The following DOK6 variants were observed in gnomAD, a reference collection of about 807,000 sequenced individuals.
DOK6 encodes the protein docking protein 6, also known as downstream of tyrosine kinase 6.
DOK6 carries 22 observed loss-of-function variants against 44.0 expected under a neutral mutation model. The observed-to-expected ratio is 0.50, with a 90% confidence interval of 0.36 to 0.71. The LOEUF is 0.71. DOK6 is among the 30% of genes least tolerant of loss of function. DOK6 has a pLI of 0.00. For missense variants in DOK6, 340 were observed against 416.4 expected (o/e 0.82, Z 1.60); for synonymous variants, 166 against 145.5 (o/e 1.14, Z -1.01).
intron 1 of DOK6, among the ~76,000 whole-genome samples, chr18:69,555,127 C>A (rs1846335511): frequency 6.6e-6 from 1 of 152,060 alleles, no homozygotes; most frequent in Non-Finnish European, 1.5e-5. Context: ...TTATTTATTT[C>A]CGCTTATTTT....
intron 3 of DOK6, among the ~76,000 whole-genome samples, chr18:69,651,038 G>A (rs1985210899): frequency 6.6e-6 from 1 of 152,170 alleles, no homozygotes; most frequent in Non-Finnish European, 1.5e-5. Flanking sequence ...TAGACTGTAT[G>A]TGGAGAGATG....
At chr18:69,511,890 C>T (rs911919153) in intron 1 of DOK6, among the ~76,000 whole-genome samples, 6 of 152,090 alleles carry the variant, frequency 3.9e-5, no homozygotes, top group Non-Finnish European at 5.9e-5. Context: ...TAAAATAACA[C>T]ATATCAGACT....
chr18:69,548,503 T>G (rs565960309), intron 1 of DOK6, among the ~76,000 whole-genome samples: 4 of 151,734 alleles, frequency 2.6e-5, no homozygotes, highest in African/African-American at 9.6e-5. Flanking sequence ...TACAATTTTG[T>G]ACAAAGGACG....
chr18:69,646,377 A>C (rs80092951), intron 3 of DOK6, among the ~76,000 whole-genome samples: 2,703 of 152,322 alleles, frequency 0.018, 36 homozygotes, highest in Middle Eastern at 0.051. Context: ...TATTTAATGC[A>C]GACATGAGTA....
intron 3 of DOK6, among the ~76,000 whole-genome samples, chr18:69,665,084 G>A (rs1279919077): frequency 6.6e-6 from 1 of 152,096 alleles, no homozygotes; most frequent in Non-Finnish European, 1.5e-5. Context: ...CAGAGGCTGA[G>A]ACAGAAGAAT....
At chr18:69,712,077 C>A (rs970255910) in intron 5 of DOK6, among the ~76,000 whole-genome samples, 4 of 150,076 alleles carry the variant, frequency 2.7e-5, no homozygotes, top group African/African-American at 9.8e-5. Flanking sequence ...GTCAGGAGAT[C>A]GAGACCATCC....
intron 7 of DOK6, among the ~76,000 whole-genome samples, chr18:69,799,813 C>T (rs146443257): frequency 8.5e-4 from 130 of 152,182 alleles, no homozygotes; most frequent in East Asian, 4.2e-3. Flanking sequence ...CATTTTATTA[C>T]GCTTATCTCA....
At chr18:69,698,711 G>T in intron 5 of DOK6, 118 bp downstream of exon 5, 1 of 921,424 alleles carries the variant, frequency 1.1e-6, no homozygotes, top group South Asian at 2.9e-5. Flanking sequence ...TTTTCATTCA[G>T]GGTAAAAGTT....
chr18:69,512,677 C>T (rs1390976444), intron 1 of DOK6, among the ~76,000 whole-genome samples: 6 of 151,986 alleles, frequency 3.9e-5, no homozygotes, highest in African/African-American at 1.5e-4. Context: ...AGAAACAGTT[C>T]GTTTTTAATA....
intron 3 of DOK6, among the ~76,000 whole-genome samples, chr18:69,630,417 A>G (rs1984663573): frequency 6.6e-6 from 1 of 152,196 alleles, no homozygotes; most frequent in Non-Finnish European, 1.5e-5. Context: ...ATTTAGTAGC[A>G]TTTATGTTAA....
At chr18:69,651,482 CTTTT>C (rs1168500882) in intron 3 of DOK6, among the ~76,000 whole-genome samples, 1 of 116,932 alleles carries the variant, frequency 8.6e-6, no homozygotes, top group Non-Finnish European at 1.7e-5. Context: ...CCCCCCGCTC[CTTTT>C]TTTTTTTTTT....
intron 7 of DOK6, among the ~76,000 whole-genome samples, chr18:69,761,438 T>C (rs745883): frequency 0.57 from 87,146 of 152,048 alleles, 26,704 homozygotes; most frequent in East Asian, 0.72. Flanking sequence ...TCTCTCTTGC[T>C]CTGCTCATAC....
At chr18:69,676,067 A>T (rs957024401) in intron 3 of DOK6, among the ~76,000 whole-genome samples, 1 of 152,160 alleles carries the variant, frequency 6.6e-6, no homozygotes, top group Admixed American at 6.5e-5. Context: ...CAGGCCTCTG[A>T]CTCCACTCAA....
At chr18:69,675,312 G>A (rs989772842) in intron 3 of DOK6, among the ~76,000 whole-genome samples, 1 of 152,110 alleles carries the variant, frequency 6.6e-6, no homozygotes, top group Non-Finnish European at 1.5e-5. Flanking sequence ...TTAAATGTCT[G>A]GGCATGCACC....
intron 7 of DOK6, among the ~76,000 whole-genome samples, chr18:69,810,154 A>G (rs1053459636): frequency 6.6e-6 from 1 of 152,086 alleles, no homozygotes; most frequent in Non-Finnish European, 1.5e-5. Flanking sequence ...ATGGAATAGA[A>G]TAGAGAGCTC....
intron 7 of DOK6, among the ~76,000 whole-genome samples, chr18:69,798,984 T>C (rs542502052): frequency 6.6e-6 from 1 of 152,182 alleles, no homozygotes; most frequent in Non-Finnish European, 1.5e-5. Flanking sequence ...TGTTTCTTAA[T>C]GTACAAAATA....
chr18:69,518,122 G>A (rs1215653583), intron 1 of DOK6, among the ~76,000 whole-genome samples: 2 of 151,962 alleles, frequency 1.3e-5, no homozygotes, highest in African/African-American at 4.8e-5. Context: ...GATTTACTTA[G>A]GATGCTTTTC....
intron 7 of DOK6, chr18:69,777,751 C>CAAAAAAA (rs34769679): frequency 2.8e-5 from 3 of 107,234 alleles, no homozygotes; most frequent in Admixed American, 9.1e-5. Context: ...CCTTCACTGA[C>CAAAAAAA]AAAAAAAAAA....
intron 1 of DOK6, among the ~76,000 whole-genome samples, chr18:69,505,491 C>CTTTT (rs772908185): frequency 3.3e-3 from 291 of 88,424 alleles, no homozygotes; most frequent in Non-Finnish European, 4.0e-3. Flanking sequence ...TACTCCCATT[C>CTTTT]TTTTTTTTTT....
Sources: allele counts gnomAD v4.1 joint callset (sites outside exome capture counted in the v4.1 genomes callset), GRCh38; gene constraint gnomAD v4.1.1; transcripts MANE v1.5; gene names NCBI Gene and HGNC (gene_info 2026-07-23, HGNC 2026-07-21).